The following FRAS1 variants were observed in gnomAD, a reference collection of about 807,000 sequenced individuals.
FRAS1 encodes the protein Fraser extracellular matrix complex subunit 1, also known as extracellular matrix organizing protein FRAS1.
In FRAS1, 290 loss-of-function variants were observed where a neutral mutation model predicts 435.2. The ratio of observed to expected loss-of-function variants is 0.67; its 90% CI spans 0.61 to 0.73. FRAS1 has a LOEUF of 0.73. Among genes scored for constraint, FRAS1 ranks in the 30% least tolerant of loss-of-function variants. The pLI is 0.00. For synonymous variants in FRAS1, 1,800 were observed against 1,851.0 expected, an observed-to-expected ratio of 0.97 and a Z score of 0.71; for missense variants, 4,860 against 5,001.5, an observed-to-expected ratio of 0.97 and a Z score of 0.85.
At position 78,267,236 on chromosome 4, in the gene FRAS1, C is replaced by T; in HGVS notation, c.790-5C>T. 6.2e-7 allele frequency: 1 copy of T among 1,613,082 alleles called. No homozygotes were observed. The highest frequency in any genetic ancestry group is 1.1e-5 in the South Asian group (1 of 90,796). Reference sequence around the variant, plus strand: ...CTGCCCCTCACCTTCCTCTCTGTGTCCTAGGGTCAGAGCAGGGCTCGGCGT... The same window carrying T: ...CTGCCCCTCACCTTCCTCTCTGTGTTCTAGGGTCAGAGCAGGGCTCGGCGT... On this transcript the variant is annotated splice_region_variant and splice_polypyrimidine_tract_variant and intron_variant, in intron 8 of 73. Coordinates refer to ENST00000512123, the MANE Select transcript of FRAS1 (RefSeq NM_025074.7).
In FRAS1 at chr4:78,307,386, G is replaced by C. The variant is rs533612827; in HGVS notation, c.1535-680G>C. Among the ~76,000 whole-genome samples the C allele has an allele frequency of 7.7e-4, 118 of 152,342 alleles. No individual in the cohort carries two copies. In the East Asian group the frequency reaches 9.5e-3, roughly 12 times the overall value. On this transcript the variant is annotated intron_variant, in intron 14 of 73. Coordinates refer to ENST00000512123, the MANE Select transcript of FRAS1 (RefSeq NM_025074.7). The stretch of plus-strand genomic sequence containing the variant: ...GCAGGCCTCCTTGAACTGTGGTGGG[G>C]TCCACCCAGTTGGAGCTTCCTGGCT...
intron 32 of FRAS1, 78 bp from the exon 33 acceptor site, chr4:78,418,871 T>C: frequency 1.2e-6 from 1 of 805,496 alleles, no homozygotes; most frequent in South Asian, 1.8e-5. Flanking sequence ...AATTTTTTTT[T>C]CTTAATAAGG....
chr4:78,133,685 T>G (rs1489172793), intron 2 of FRAS1, among the ~76,000 whole-genome samples: 1 of 152,170 alleles, frequency 6.6e-6, no homozygotes, highest in Non-Finnish European at 1.5e-5. Context: ...ATGTGTATTT[T>G]CCTAAAAAAT....
chr4:78,360,665 C>A (rs1056809084), intron 20 of FRAS1, among the ~76,000 whole-genome samples: 1 of 152,080 alleles, frequency 6.6e-6, no homozygotes, highest in African/African-American at 2.4e-5. Context: ...CATGAATGGG[C>A]GGGCAGAGTG....
At chr4:78,190,998 C>A (rs1190665207) in intron 2 of FRAS1, among the ~76,000 whole-genome samples, 1 of 152,178 alleles carries the variant, frequency 6.6e-6, no homozygotes, top group African/African-American at 2.4e-5. Flanking sequence ...GAGACCAGAG[C>A]TCACTTGCTG....
chr4:78,193,576 A>C (rs1722652424), intron 2 of FRAS1, among the ~76,000 whole-genome samples: 1 of 152,088 alleles, frequency 6.6e-6, no homozygotes, highest in African/African-American at 2.4e-5. Context: ...CTGTTTTATC[A>C]GAGACTAGGA....
At chr4:78,277,615 G>A (rs1727117265) in intron 9 of FRAS1, among the ~76,000 whole-genome samples, 1 of 152,264 alleles carries the variant, frequency 6.6e-6, no homozygotes, top group South Asian at 2.1e-4. Context: ...TTTTCTGGGA[G>A]ATGGGACTTC....
chr4:78,488,404 C>CCTATTGT (rs1425317372), intron 58 of FRAS1, among the ~76,000 whole-genome samples: 1 of 152,184 alleles, frequency 6.6e-6, no homozygotes, highest in East Asian at 1.9e-4. Context: ...CCCACTCTTT[C>CCTATTGT]CTATTGTCTC....
chr4:78,286,484 G>A lies in FRAS1; in HGVS notation c.1479G>A (p.Gly493=). ...AGCCTCCCCTGCTGATGCGGCACGG[G>A]CAGTGTGTGCCTACCTGTGGGGACG... ...SCQPPLLMRH[G]QCVPTCGDGF... Residue 493 remains glycine (G), a synonymous_variant, in exon 14 of 74, where the codon GGG becomes GGA. Transcript: ENST00000512123. The A allele has an allele frequency of 1.9e-6, 3 of 1,613,634 alleles. No individual in the cohort carries two copies. The highest frequency in any genetic ancestry group is 2.5e-6 in the Non-Finnish European group (3 of 1,179,884).
intron 47 of FRAS1, among the ~76,000 whole-genome samples, chr4:78,458,201 C>T (rs1247294320): frequency 2.0e-5 from 3 of 152,142 alleles, no homozygotes; most frequent in Non-Finnish European, 4.4e-5. Context: ...ATCCTCAGCC[C>T]ACTCATAATC....
intron 2 of FRAS1, among the ~76,000 whole-genome samples, chr4:78,236,643 G>A (rs968609464): frequency 2.4e-4 from 37 of 152,086 alleles, no homozygotes; most frequent in Admixed American, 2.6e-4. Context: ...GACAGAAACA[G>A]GTATCTGTGG....
At chr4:78,464,265 G>A in intron 48 of FRAS1, 120 bp downstream of exon 48, 9 of 1,410,254 alleles carry the variant, frequency 6.4e-6, no homozygotes, top group Non-Finnish European at 8.6e-6. Flanking sequence ...CTCAGTCAAG[G>A]GGTAGGGGCA....
intron 24 of FRAS1, among the ~76,000 whole-genome samples, chr4:78,373,646 A>G (rs1334773650): frequency 6.6e-6 from 1 of 151,704 alleles, no homozygotes; most frequent in Non-Finnish European, 1.5e-5. Context: ...GCATGGTGGC[A>G]CATGTCTGTA....
chr4:78,116,126 G>A (rs180846940), intron 2 of FRAS1, among the ~76,000 whole-genome samples: 27 of 152,328 alleles, frequency 1.8e-4, no homozygotes, highest in Middle Eastern at 3.4e-3. Flanking sequence ...CATTTTCCAT[G>A]TAGTTGAGCA....
At chr4:78,265,681 A>C (rs1002518919) in intron 7 of FRAS1, among the ~76,000 whole-genome samples, 4 of 152,230 alleles carry the variant, frequency 2.6e-5, no homozygotes, top group African/African-American at 9.6e-5. Context: ...TGGATGAATG[A>C]ATGAGTGAAT....
At chr4:78,434,442 G>A (rs1398445043) in intron 38 of FRAS1, among the ~76,000 whole-genome samples, 3 of 152,046 alleles carry the variant, frequency 2.0e-5, no homozygotes, top group Non-Finnish European at 1.5e-5. Flanking sequence ...TCTAGGCCTC[G>A]GTTTTCCCAT....
chr4:78,339,945 C>T (rs1380631249), intron 20 of FRAS1, among the ~76,000 whole-genome samples: 1 of 152,106 alleles, frequency 6.6e-6, no homozygotes, highest in East Asian at 1.9e-4. Context: ...GAATTATATC[C>T]TTCATGATGG....
At chr4:78,102,333 G>GC (rs754299401) in intron 2 of FRAS1, among the ~76,000 whole-genome samples, 21 of 152,142 alleles carry the variant, frequency 1.4e-4, no homozygotes, top group Non-Finnish European at 2.4e-4. Flanking sequence ...TGAAGTTCAT[G>GC]CCCAGAATCT....
At chr4:78,182,062 G>A (rs563736991) in intron 2 of FRAS1, 5 of 1,507,144 alleles carry the variant, frequency 3.3e-6, no homozygotes, top group Admixed American at 4.8e-5. Context: ...TGGCTCGGCG[G>A]CGGGTTCCTC....
Sources: allele counts gnomAD v4.1 joint callset (sites outside exome capture counted in the v4.1 genomes callset), GRCh38; gene constraint gnomAD v4.1.1; transcripts MANE v1.5; gene names NCBI Gene and HGNC (gene_info 2026-07-23, HGNC 2026-07-21).